Variants in IGF1R observed in about 807,000 individuals in gnomAD.
IGF1R encodes insulin like growth factor 1 receptor.
A neutral mutation model predicts 144.6 loss-of-function variants in IGF1R; 44 were observed. That is an observed-to-expected ratio of 0.30 (90% confidence interval 0.24 to 0.39). The LOEUF (loss-of-function observed/expected upper bound fraction) is 0.39. Among genes scored for constraint, IGF1R ranks in the 10% least tolerant of loss-of-function variants. The pLI is 1.00. For synonymous variants in IGF1R, 795 were observed against 722.8 expected, an observed-to-expected ratio of 1.10 and a Z score of -1.60; for missense variants, 1,355 against 1,833.7, an observed-to-expected ratio of 0.74 and a Z score of 4.77.
intron 2 of IGF1R, among the ~76,000 whole-genome samples, chr15:98,739,340 A>G (rs79722360): frequency 0.013 from 2,036 of 152,198 alleles, 48 homozygotes; most frequent in African/African-American, 0.046. Context: ...TAGCCTTCCT[A>G]GCAACTCTTA....
chr15:98,653,986 T>C (rs1227404782), intron 1 of IGF1R, among the ~76,000 whole-genome samples: 2 of 152,250 alleles, frequency 1.3e-5, no homozygotes, highest in East Asian at 1.9e-4. Context: ...GCTGACCTTG[T>C]GCTACTCAGT....
chr15:98,952,423 T>C (rs1442129070), intron 20 of IGF1R, among the ~76,000 whole-genome samples: 1 of 152,096 alleles, frequency 6.6e-6, no homozygotes, highest in African/African-American at 2.4e-5. Context: ...TGCTTTCAAG[T>C]CTGAATATAA....
At chr15:98,703,000 G>A (rs1480238592) in intron 1 of IGF1R, among the ~76,000 whole-genome samples, 2 of 152,008 alleles carry the variant, frequency 1.3e-5, no homozygotes, top group African/African-American at 2.4e-5. Context: ...CAGGTACCAA[G>A]CCCCTGCCTG....
At chr15:98,832,207 C>T (rs577903183) in intron 2 of IGF1R, among the ~76,000 whole-genome samples, 15 of 152,216 alleles carry the variant, frequency 9.9e-5, no homozygotes, top group African/African-American at 2.9e-4. Flanking sequence ...ATTCTGTGTG[C>T]CCAAGGAGAC....
intron 2 of IGF1R, among the ~76,000 whole-genome samples, chr15:98,850,992 C>T (rs2011506756): frequency 6.6e-6 from 1 of 152,184 alleles, no homozygotes; most frequent in Admixed American, 6.5e-5. Flanking sequence ...AGTCGGAGTA[C>T]AGTGTTGAAA....
intron 2 of IGF1R, among the ~76,000 whole-genome samples, chr15:98,718,315 T>A (rs146910974): frequency 6.6e-6 from 1 of 152,352 alleles, no homozygotes; most frequent in East Asian, 1.9e-4. Context: ...GGCAGCGTAT[T>A]TAGGGACTGT....
intron 18 of IGF1R, 23 bp from the exon 19 acceptor site, chr15:98,942,900 C>T: frequency 6.2e-7 from 1 of 1,613,936 alleles, no homozygotes; most frequent in Non-Finnish European, 8.5e-7. Flanking sequence ...GCGTGTGACT[C>T]TGCGCCCTCT....
chr15:98,754,733 G>A (rs2055106295), intron 2 of IGF1R, among the ~76,000 whole-genome samples: 1 of 152,206 alleles, frequency 6.6e-6, no homozygotes, highest in African/African-American at 2.4e-5. Flanking sequence ...TGACTGATTT[G>A]CAGGTTAGGT....
At position 98,916,183 on chromosome 15, in the gene IGF1R, G is replaced by A. The variant is rs776939685; in HGVS notation, c.1996+52G>A. The A allele has an allele frequency of 1.9e-6, 3 of 1,561,706 alleles. No homozygotes were observed. In the African/African-American group the frequency reaches 4.1e-5, roughly 21 times the overall value. On this transcript the variant is annotated intron_variant, in intron 9 of 20. Transcript: ENST00000650285. ...GAGGGTGTGACCGTTCATTCCTGTG[G>A]TTGTAATGTGCCTGAGCCCTAATAT...
At chr15:98,710,167 A>G (rs1386804874) in intron 2 of IGF1R, among the ~76,000 whole-genome samples, 1 of 152,126 alleles carries the variant, frequency 6.6e-6, no homozygotes, top group African/African-American at 2.4e-5. Context: ...GAGCCTTGAT[A>G]TCACCTGTTG....
chr15:98,741,546 G>A (rs758726590), intron 2 of IGF1R, among the ~76,000 whole-genome samples: 43 of 152,268 alleles, frequency 2.8e-4, no homozygotes, highest in Middle Eastern at 3.4e-3. Flanking sequence ...CCTTCTCTGA[G>A]AATAAATTGC....
At chr15:98,828,918 C>T (rs1460185680) in intron 2 of IGF1R, among the ~76,000 whole-genome samples, 1 of 151,630 alleles carries the variant, frequency 6.6e-6, no homozygotes, top group Non-Finnish European at 1.5e-5. Flanking sequence ...AGAATCCTTT[C>T]TGTGAACTTG....
At chr15:98,859,429 T>C (rs769207175) in intron 2 of IGF1R, among the ~76,000 whole-genome samples, 6 of 152,256 alleles carry the variant, frequency 3.9e-5, no homozygotes, top group Non-Finnish European at 8.8e-5. Flanking sequence ...GCATCTGCGA[T>C]GTTTGCACTC....
At chr15:98,871,801 A>G (rs906621110) in intron 2 of IGF1R, among the ~76,000 whole-genome samples, 1 of 152,234 alleles carries the variant, frequency 6.6e-6, no homozygotes, top group Admixed American at 6.5e-5. Flanking sequence ...CTCCCACAAC[A>G]TGTGGGAATT....
chr15:98,822,892 C>T (rs1033816136), intron 2 of IGF1R, among the ~76,000 whole-genome samples: 1 of 152,166 alleles, frequency 6.6e-6, no homozygotes, highest in African/African-American at 2.4e-5. Context: ...GAAACATTCT[C>T]TGAGTCTTAG....
chr15:98,732,767 G>C (rs78495484), intron 2 of IGF1R, among the ~76,000 whole-genome samples: 1,918 of 152,332 alleles, frequency 0.013, 19 homozygotes, highest in Middle Eastern at 0.048. Context: ...CTGTTGAGTT[G>C]TTGAGTTTAG....
intron 1 of IGF1R, among the ~76,000 whole-genome samples, chr15:98,673,441 T>C (rs1410461619): frequency 6.6e-6 from 1 of 152,220 alleles, no homozygotes; most frequent in Non-Finnish European, 1.5e-5. Context: ...AGCTGTAGTC[T>C]TCTGGAGGCT....
intron 2 of IGF1R, among the ~76,000 whole-genome samples, chr15:98,841,565 C>T (rs555309659): frequency 6.6e-6 from 1 of 152,160 alleles, no homozygotes; most frequent in African/African-American, 2.4e-5. Context: ...TACCTGTTCC[C>T]TGTTTATCCT....
intron 2 of IGF1R, among the ~76,000 whole-genome samples, chr15:98,779,952 A>G (rs1174963141): frequency 3.3e-5 from 5 of 152,174 alleles, no homozygotes; most frequent in African/African-American, 9.7e-5. Context: ...AGCTGTGACC[A>G]TTGAAGACAT....
Sources: gnomAD v4.1 joint callset for allele counts (sites outside exome capture counted in the v4.1 genomes callset) on GRCh38, gnomAD v4.1.1 for gene constraint, MANE v1.5 for transcripts, NCBI Gene and HGNC (gene_info 2026-07-23, HGNC 2026-07-21) for gene names.